The following SMARCC1 variants were observed in gnomAD, a reference collection of about 807,000 sequenced individuals.
The protein encoded by SMARCC1 is SWI/SNF complex subunit SMARCC1.
Under a neutral mutation model 147.4 loss-of-function variants are expected in SMARCC1, and 43 were observed. The ratio of observed to expected loss-of-function variants is 0.29; its 90% confidence interval spans 0.23 to 0.38. The LOEUF (loss-of-function observed/expected upper bound fraction) is 0.38, where lower values mean the gene tolerates loss of function less well. SMARCC1 is among the 10% of genes least tolerant of loss of function. SMARCC1 has a pLI of 1.00. For synonymous variants in SMARCC1, 495 were observed against 484.4 expected (o/e 1.02, Z -0.29); for missense variants, 1,119 against 1,381.1 (o/e 0.81, Z 3.01).
At chr3:47,660,895 A>G (rs2033337241) in intron 21 of SMARCC1, among the ~76,000 whole-genome samples, 1 of 152,148 alleles carries the variant, frequency 6.6e-6, no homozygotes, top group Admixed American at 6.6e-5. Context: ...TGTTACAGGA[A>G]TTTTTCCTCA....
rs1250545564 is a variant in SMARCC1, at chr3:47,729,042, G to C, written c.629C>G (p.Ser210Cys). ...SKASHHIYPY[S>C]SSQDDEEWLR... ...TAACTTACCATCGTCTTGTGAGGAA[G>C]AATATGGGTAAATGTGGTGGGAAGC... The change falls in exon 6 of 28, where the codon TCT (serine) becomes TGT (cysteine). Residue 210 changes from serine (S) to cysteine (C), a missense_variant. Ser to Cys is a moderately radical substitution (Grantham distance 112). Around this residue, in one of 6 missense-constraint regions of SMARCC1, gnomAD observed 542 missense variants for 611.8 expected, o/e 0.89. Coordinates refer to ENST00000254480, the MANE Select transcript of SMARCC1 (RefSeq NM_003074.4). 12 of 1,611,022 alleles carry C rather than the reference G, an allele frequency of 7.4e-6. No individual in the cohort carries two copies. Among genetic ancestry groups the C allele is most frequent in the Non-Finnish European group, 8.5e-6 (10 of 1,177,684 alleles).
rs772832317 is a variant in SMARCC1 at position 47,745,987 on chromosome 3, A to G, written c.322T>C (p.Cys108Arg). 1.9e-6 allele frequency: 3 copies of G among 1,575,008 alleles called. No individual in the cohort carries two copies. Among genetic ancestry groups the G allele is most frequent in the South Asian group, 1.2e-5 (1 of 82,768 alleles). Residue 108 changes from cysteine to arginine, a missense_variant, in exon 3 of 28, where the codon TGT becomes CGT. Cys to Arg is a radical substitution (Grantham distance 180). Transcript: ENST00000254480. ...NPAFTKLPAK[C>R]FMDFKAGGAL... ...CCTCCAGCTTTGAAATCCATGAAACACTTTGCCTAAAAATGATACAAATTA... is the reference window on the plus strand; with the variant it reads ...CCTCCAGCTTTGAAATCCATGAAACGCTTTGCCTAAAAATGATACAAATTA...
At chr3:47,655,268 T>G (rs1345266383) in intron 21 of SMARCC1, among the ~76,000 whole-genome samples, 1 of 152,230 alleles carries the variant, frequency 6.6e-6, no homozygotes, top group Non-Finnish European at 1.5e-5. Flanking sequence ...AATGGTGTCA[T>G]GTGCCTGTAG....
chr3:47,682,506 C>T (rs1475414822), intron 14 of SMARCC1, among the ~76,000 whole-genome samples: 1 of 152,110 alleles, frequency 6.6e-6, no homozygotes, highest in East Asian at 1.9e-4. Flanking sequence ...ACCCACCAGC[C>T]TCAGCCTCTC....
chr3:47,776,716 CA>C (rs1400067182), intron 1 of SMARCC1, among the ~76,000 whole-genome samples: 5 of 151,944 alleles, frequency 3.3e-5, no homozygotes, highest in African/African-American at 9.7e-5. Context: ...ATCAACATTT[CA>C]GGTAAATATA....
chr3:47,753,521 C>T (rs191526613), intron 2 of SMARCC1, among the ~76,000 whole-genome samples: 1,871 of 151,378 alleles, frequency 0.012, 17 homozygotes, highest in Non-Finnish European at 0.02. Context: ...CAAGACCTGC[C>T]TGGCCAAGGT....
At chr3:47,771,907 C>A (rs965818753) in intron 2 of SMARCC1, among the ~76,000 whole-genome samples, 10 of 151,550 alleles carry the variant, frequency 6.6e-5, no homozygotes, top group Admixed American at 6.6e-4. Context: ...CATGGTGAAA[C>A]CATGTGTCTA....
chr3:47,703,671 C>T (rs1318546495), intron 10 of SMARCC1, among the ~76,000 whole-genome samples: 1 of 152,214 alleles, frequency 6.6e-6, no homozygotes, highest in Non-Finnish European at 1.5e-5. Context: ...AAACAGCATG[C>T]TGGGCCAGCC....
chr3:47,711,467 G>A (rs2034084246), intron 8 of SMARCC1, among the ~76,000 whole-genome samples: 1 of 152,156 alleles, frequency 6.6e-6, no homozygotes, highest in South Asian at 2.1e-4. Context: ...CTCAATGGGG[G>A]CACAACTGGA....
chr3:47,724,720 G>T (rs2034278330), intron 6 of SMARCC1, among the ~76,000 whole-genome samples: 1 of 151,954 alleles, frequency 6.6e-6, no homozygotes, highest in Non-Finnish European at 1.5e-5. Flanking sequence ...ATGTTTAATG[G>T]GTACAGAGTA....
chr3:47,680,355 C>T, intron 15 of SMARCC1, 82 bp downstream of exon 15: 1 of 894,436 alleles, frequency 1.1e-6, no homozygotes. Context: ...CAAGAATCAG[C>T]AATAAGGAAC....
chr3:47,621,461 A>T (rs1012287833), intron 25 of SMARCC1, among the ~76,000 whole-genome samples: 1 of 152,230 alleles, frequency 6.6e-6, no homozygotes, highest in Admixed American at 6.5e-5. Flanking sequence ...TATACTATGA[A>T]ATACTACACA....
At chr3:47,713,243 G>A (rs935994020) in intron 8 of SMARCC1, among the ~76,000 whole-genome samples, 2 of 151,876 alleles carry the variant, frequency 1.3e-5, no homozygotes, top group Admixed American at 1.3e-4. Flanking sequence ...GTGTGAACCC[G>A]GGAGGTGGAG....
intron 3 of SMARCC1, 139 bp downstream of exon 3, chr3:47,745,769 A>AT: frequency 2.0e-6 from 1 of 504,324 alleles, no homozygotes; most frequent in Non-Finnish European, 3.6e-6. Flanking sequence ...TTTTTCTTGG[A>AT]TGTAGAAACA....
chr3:47,640,994 G>A (rs1299187701), intron 21 of SMARCC1, among the ~76,000 whole-genome samples: 1 of 152,110 alleles, frequency 6.6e-6, no homozygotes, highest in African/African-American at 2.4e-5. Flanking sequence ...TCCATTATAA[G>A]CTCCTGGAAA....
chr3:47,660,435 G>A (rs1191475656), intron 21 of SMARCC1, among the ~76,000 whole-genome samples: 1 of 104,228 alleles, frequency 9.6e-6, no homozygotes, highest in African/African-American at 3.9e-5. Flanking sequence ...GACAGAGCAA[G>A]ACTCTGTCTA....
At chr3:47,766,967 G>A (rs997833431) in intron 2 of SMARCC1, among the ~76,000 whole-genome samples, 4 of 151,804 alleles carry the variant, frequency 2.6e-5, no homozygotes, top group Non-Finnish European at 5.9e-5. Flanking sequence ...TGCGGATCAC[G>A]AGGTCAGATC....
At chr3:47,740,319 C>T (rs950614518) in intron 3 of SMARCC1, among the ~76,000 whole-genome samples, 16 of 151,244 alleles carry the variant, frequency 1.1e-4, no homozygotes, top group African/African-American at 2.9e-4. Flanking sequence ...CCTCAGCCTC[C>T]CGAGTAGCTG....
At chr3:47,657,102 C>G (rs964368160) in intron 21 of SMARCC1, among the ~76,000 whole-genome samples, 1 of 152,084 alleles carries the variant, frequency 6.6e-6, no homozygotes, top group African/African-American at 2.4e-5. Flanking sequence ...TAAGCAACAA[C>G]AGAGTCTCTA....
Sources: allele counts gnomAD v4.1 joint callset (sites outside exome capture counted in the v4.1 genomes callset), GRCh38; gene constraint gnomAD v4.1.1; regional missense constraint gnomAD v4.1.1; transcripts MANE v1.5; gene names NCBI Gene and HGNC (gene_info 2026-07-23, HGNC 2026-07-21).